PAPPA2: variants seen among roughly 807,000 people sequenced by gnomAD.
PAPPA2 encodes pappalysin-2.
In PAPPA2, 86 loss-of-function variants were observed where a neutral mutation model predicts 176.4. That is an observed-to-expected ratio of 0.49 (90% confidence interval 0.41 to 0.58). The LOEUF (loss-of-function observed/expected upper bound fraction) is 0.58, where lower values mean the gene tolerates loss of function less well. Ranked by LOEUF, PAPPA2 falls within the 20% of genes least tolerant of loss-of-function variation. PAPPA2 has a pLI of 0.00. For missense variants in PAPPA2, 2,073 were observed against 2,256.9 expected, an observed-to-expected ratio of 0.92 and a Z score of 1.65; for synonymous variants, 809 against 852.2, an observed-to-expected ratio of 0.95 and a Z score of 0.88.
intron 9 of PAPPA2, among the ~76,000 whole-genome samples, chr1:176,705,284 C>T (rs1660830839): frequency 6.6e-6 from 1 of 152,170 alleles, no homozygotes; most frequent in South Asian, 2.1e-4. Context: ...TTTTAGCCTT[C>T]TCCACTTCCA....
intron 1 of PAPPA2, among the ~76,000 whole-genome samples, chr1:176,505,675 C>A (rs60269167): frequency 6.6e-6 from 1 of 151,816 alleles, no homozygotes; most frequent in African/African-American, 2.4e-5. Flanking sequence ...ACAACAACAA[C>A]AAAAAGCCTG....
At chr1:176,626,472 A>G (rs889476490) in intron 3 of PAPPA2, among the ~76,000 whole-genome samples, 4 of 152,192 alleles carry the variant, frequency 2.6e-5, no homozygotes, top group Non-Finnish European at 2.9e-5. Flanking sequence ...TACCCTCAGT[A>G]TGGAAATTTC....
chr1:176,600,663 G>C (rs1016009583), intron 3 of PAPPA2, among the ~76,000 whole-genome samples: 1 of 123,492 alleles, frequency 8.1e-6, no homozygotes, highest in African/African-American at 3.4e-5. Flanking sequence ...GCGACAGAGC[G>C]AGACTCCGTC....
At chr1:176,496,907 G>C (rs1183312726) in intron 1 of PAPPA2, among the ~76,000 whole-genome samples, 2 of 152,138 alleles carry the variant, frequency 1.3e-5, no homozygotes, top group African/African-American at 4.8e-5. Context: ...CATGAATCCA[G>C]GACACTTAAC....
At chr1:176,704,736 A>G (rs1255174819) in intron 9 of PAPPA2, among the ~76,000 whole-genome samples, 2 of 152,206 alleles carry the variant, frequency 1.3e-5, no homozygotes, top group African/African-American at 4.8e-5. Context: ...CAGATCAAAT[A>G]GTTGAATTCA....
chr1:176,800,198 G>A lies in PAPPA2; in HGVS notation c.5202+66G>A, dbSNP rs143062020. 952 of 1,503,478 alleles carry A rather than the reference G, an allele frequency of 6.3e-4. 12 individuals carry two copies. In the East Asian group the frequency reaches 0.019, roughly 30 times the overall value. 93.1% of individuals were successfully genotyped at this position (1,503,478 alleles called of 1,614,324 possible). A position where few individuals can be genotyped will look rare whatever the true frequency, so the allele number is the denominator to read the frequency against. On this transcript the variant is annotated intron_variant, in intron 21 of 22. Transcript: ENST00000367662. ...CAGGTGGATTTAACTTATGGAGCTT[G>A]AATCCTTCTAATTTAGGACCTGGTC... is the stretch of plus-strand genomic sequence containing the variant.
At chr1:176,773,498 T>A (rs189824312) in intron 17 of PAPPA2, among the ~76,000 whole-genome samples, 250 of 151,940 alleles carry the variant, frequency 1.6e-3, no homozygotes, top group African/African-American at 5.9e-3. Flanking sequence ...TACTGTACAG[T>A]GTAGTAAAAC....
chr1:176,510,597 T>C (rs1019247123), intron 1 of PAPPA2, among the ~76,000 whole-genome samples: 2 of 151,970 alleles, frequency 1.3e-5, no homozygotes, highest in African/African-American at 4.8e-5. Context: ...AATATATGAA[T>C]AAATAAAAAA....
At chr1:176,780,369 G>T (rs1258789947) in intron 17 of PAPPA2, among the ~76,000 whole-genome samples, 1 of 152,132 alleles carries the variant, frequency 6.6e-6, no homozygotes, top group Non-Finnish European at 1.5e-5. Flanking sequence ...GCTCTTTTCT[G>T]CCAGAATTTT....
chr1:176,519,654 G>C (rs762783494), intron 1 of PAPPA2, among the ~76,000 whole-genome samples: 1 of 152,138 alleles, frequency 6.6e-6, no homozygotes, highest in African/African-American at 2.4e-5. Context: ...TTGGCTGCTG[G>C]TAATCCCCAG....
chr1:176,480,333 G>A (rs976326248), intron 1 of PAPPA2, among the ~76,000 whole-genome samples: 45 of 152,182 alleles, frequency 3.0e-4, no homozygotes, highest in African/African-American at 1.0e-3. Flanking sequence ...TGGGGAGAGG[G>A]CCGCTCCATG....
intron 3 of PAPPA2, among the ~76,000 whole-genome samples, chr1:176,670,124 C>T (rs1273398757): frequency 1.3e-5 from 2 of 152,060 alleles, no homozygotes; most frequent in Admixed American, 6.6e-5. Flanking sequence ...ACAGCAAGGC[C>T]CTGTTTGCTT....
chr1:176,753,269 G>T (rs554583820), intron 14 of PAPPA2, among the ~76,000 whole-genome samples: 1 of 152,306 alleles, frequency 6.6e-6, no homozygotes, highest in South Asian at 2.1e-4. Context: ...CATCCCTGCT[G>T]TAATCAGTCT....
chr1:176,639,480 C>T, intron 3 of PAPPA2, among the ~76,000 whole-genome samples: 1 of 151,986 alleles, frequency 6.6e-6, no homozygotes, highest in East Asian at 1.9e-4. Flanking sequence ...ATGAGCTTTT[C>T]TTCAGAAATT....
At chr1:176,616,710 T>C in intron 3 of PAPPA2, 1 of 1,457,378 alleles carries the variant, frequency 6.9e-7, no homozygotes. Flanking sequence ...TAAGGTCACA[T>C]TGGTTGGATT....
chr1:176,569,778 A>G lies in PAPPA2; in HGVS notation c.919+12537A>G, dbSNP rs1652209167. ...AATTCAATATGTATTTGATAAGAAG[A>G]TGAAGGATGAACTAATTCTATTTGG... is the stretch of plus-strand genomic sequence containing the variant. On this transcript the variant is annotated intron_variant, in intron 2 of 22. Transcript: ENST00000367662. 2.0e-5 allele frequency among the ~76,000 whole-genome samples: 3 copies of G among 152,256 alleles called. No homozygotes were observed. The South Asian group carries it at 6.2e-4, about 32-fold the overall frequency.
intron 1 of PAPPA2, among the ~76,000 whole-genome samples, chr1:176,474,558 T>G (rs966743360): frequency 6.6e-6 from 1 of 151,998 alleles, no homozygotes; most frequent in Non-Finnish European, 1.5e-5. Context: ...GACTACAGAG[T>G]CCAGCAGGAA....
intron 2 of PAPPA2, among the ~76,000 whole-genome samples, chr1:176,559,956 C>A (rs1300523538): frequency 6.6e-6 from 1 of 152,214 alleles, no homozygotes; most frequent in Non-Finnish European, 1.5e-5. Context: ...CCCTCCCCAG[C>A]CCCAGATGCG....
At chr1:176,598,701 T>C (rs1209732215) in intron 3 of PAPPA2, among the ~76,000 whole-genome samples, 1 of 152,194 alleles carries the variant, frequency 6.6e-6, no homozygotes, top group Non-Finnish European at 1.5e-5. Flanking sequence ...TAACACTAAA[T>C]AAAACTCTTC....
Sources: allele counts gnomAD v4.1 joint callset (sites outside exome capture counted in the v4.1 genomes callset), GRCh38; gene constraint gnomAD v4.1.1; transcripts MANE v1.5; gene names NCBI Gene and HGNC (gene_info 2026-07-23, HGNC 2026-07-21).